FAM168A: variants seen among roughly 807,000 people sequenced by gnomAD.
The protein encoded by FAM168A is family with sequence similarity 168 member A.
A neutral mutation model predicts 28.5 loss-of-function variants in FAM168A; 3 were observed. The observed-to-expected ratio is 0.11, with a 90% CI of 0.05 to 0.27. FAM168A has a LOEUF of 0.27. Ranked by LOEUF, FAM168A falls within the 10% of genes least tolerant of loss-of-function variation. The pLI is 1.00. For synonymous variants in FAM168A, 122 were observed against 124.2 expected, an observed-to-expected ratio of 0.98 and a Z score of 0.12; for missense variants, 222 against 311.5, an observed-to-expected ratio of 0.71 and a Z score of 2.16.
At chr11:73,460,027 C>A (rs1233448054) in intron 2 of FAM168A, among the ~76,000 whole-genome samples, 1 of 151,858 alleles carries the variant, frequency 6.6e-6, no homozygotes, top group East Asian at 1.9e-4. Context: ...AGTACAGGCG[C>A]CCACCACCAT....
intron 1 of FAM168A, among the ~76,000 whole-genome samples, chr11:73,579,354 A>G (rs1441197688): frequency 2.0e-5 from 3 of 152,226 alleles, no homozygotes; most frequent in Non-Finnish European, 4.4e-5. Context: ...GATAGAGAAA[A>G]TAAGTTATAG....
At chr11:73,472,136 T>C (rs1016870368) in intron 1 of FAM168A, among the ~76,000 whole-genome samples, 3 of 152,174 alleles carry the variant, frequency 2.0e-5, no homozygotes, top group African/African-American at 7.2e-5. Context: ...CCCTGGTCCC[T>C]GGTGCCAAAA....
chr11:73,417,546 C>T (rs978921028), intron 4 of FAM168A, among the ~76,000 whole-genome samples: 2 of 150,376 alleles, frequency 1.3e-5, no homozygotes, highest in Non-Finnish European at 3.0e-5. Flanking sequence ...TTATGGCTGA[C>T]ATACCTCTCT....
rs76851738 is a variant in FAM168A at position 73,548,278 on chromosome 11, G to A, written c.-19+49645C>T. On this transcript the variant is annotated intron_variant, in intron 1 of 7. Coordinates refer to ENST00000356467, the MANE Select transcript of FAM168A (RefSeq NM_015159.3). ...AAATAAATAAATAAGCAAGCAAGCT[G>A]GGTATACATGGTAGTATGAAATAGG... Among the ~76,000 whole-genome samples the A allele has an allele frequency of 8.7e-3, 1,325 of 152,176 alleles. 20 individuals carry two copies. Among genetic ancestry groups the A allele is most frequent in the African/African-American group, 0.03 (1,240 of 41,522 alleles).
intron 1 of FAM168A, among the ~76,000 whole-genome samples, chr11:73,479,840 AATGG>A (rs1196519689): frequency 6.6e-6 from 1 of 152,202 alleles, no homozygotes; most frequent in Non-Finnish European, 1.5e-5. Flanking sequence ...TAGATGAATG[AATGG>A]ATGGATGGAT....
chr11:73,478,088 G>C (rs1445421072), intron 1 of FAM168A, among the ~76,000 whole-genome samples: 10 of 152,132 alleles, frequency 6.6e-5, no homozygotes, highest in Non-Finnish European at 1.5e-5. Flanking sequence ...ATAAAAACAA[G>C]AGTCCAAAGT....
rs540665452 is a variant in FAM168A, at chr11:73,497,492, AT to A, written c.-18-29001del. Among the ~76,000 whole-genome samples the A allele has an allele frequency of 4.3e-4, 66 of 152,178 alleles. No individual in the cohort carries two copies. The Middle Eastern group carries it at 0.01, about 24-fold the overall frequency. On this transcript the variant is annotated intron_variant, in intron 1 of 7. Coordinates refer to ENST00000356467, the MANE Select transcript of FAM168A (RefSeq NM_015159.3). The stretch of plus-strand genomic sequence containing the variant: ...GACATACTGTCCAGCTGAACTTTCT[AT>A]AATGATGGAAATATTCTAGTATATC...
chr11:73,562,253 T>G (rs1943968236), intron 1 of FAM168A, among the ~76,000 whole-genome samples: 1 of 152,200 alleles, frequency 6.6e-6, no homozygotes, highest in African/African-American at 2.4e-5. Flanking sequence ...CAGGGGAATA[T>G]TTACAGCTGT....
At chr11:73,442,998 G>A (rs1290040054) in intron 2 of FAM168A, among the ~76,000 whole-genome samples, 85 of 25,178 alleles carry the variant, frequency 3.4e-3, no homozygotes, top group African/African-American at 7.3e-3. Context: ...ATATATATAT[G>A]CCAAGCCTTT....
At chr11:73,558,506 C>T (rs1943916351) in intron 1 of FAM168A, among the ~76,000 whole-genome samples, 1 of 147,850 alleles carries the variant, frequency 6.8e-6, no homozygotes, top group African/African-American at 2.5e-5. Context: ...GAAAGACAAC[C>T]CACTGAATAA....
At chr11:73,451,382 T>C (rs1443011178) in intron 2 of FAM168A, among the ~76,000 whole-genome samples, 2 of 152,198 alleles carry the variant, frequency 1.3e-5, no homozygotes, top group East Asian at 3.8e-4. Flanking sequence ...AAAGGCTTCG[T>C]TATTAGAGGT....
At chr11:73,488,466 T>C (rs1868084097) in intron 1 of FAM168A, among the ~76,000 whole-genome samples, 2 of 152,182 alleles carry the variant, frequency 1.3e-5, no homozygotes, top group African/African-American at 4.8e-5. Context: ...ACAATCATTC[T>C]ATATTTGCCT....
intron 4 of FAM168A, 147 bp downstream of exon 4, chr11:73,419,726 AG>A: frequency 1.2e-6 from 1 of 820,482 alleles, no homozygotes; most frequent in Non-Finnish European, 1.9e-6. Flanking sequence ...CTGAATAAGG[AG>A]GGGTAATTTT....
chr11:73,565,919 C>T (rs1398569200), intron 1 of FAM168A, among the ~76,000 whole-genome samples: 1 of 152,178 alleles, frequency 6.6e-6, no homozygotes, highest in Non-Finnish European at 1.5e-5. Context: ...CTTCCACAAG[C>T]CAGTGGCAGG....
chr11:73,458,219 T>C (rs967989817), intron 2 of FAM168A, among the ~76,000 whole-genome samples: 3 of 152,178 alleles, frequency 2.0e-5, no homozygotes, highest in Admixed American at 6.5e-5. Context: ...AAGGAGAATT[T>C]AGGAGCAGAA....
At position 73,430,728 on chromosome 11, in the gene FAM168A, G is replaced by T. The variant is rs1866973539; in HGVS notation, c.113C>A (p.Pro38His). The change falls in exon 3 of 8, where the codon CCC becomes CAC. Residue 38 changes from proline (P) to histidine (H), a missense_variant. Coordinates refer to ENST00000356467, the MANE Select transcript of FAM168A (RefSeq NM_015159.3). ...AYPAAAPAYN[P>H]SLYPTNSPSY... ...GGGACTATTGGTGGGGTACAGGCTG[G>T]GATTGTAGGCAGGGGCAGCTGCTGG... 1 of 1,613,548 alleles carries T rather than the reference G, an allele frequency of 6.2e-7. No homozygotes were observed. Among genetic ancestry groups the T allele is most frequent in the Admixed American group, 1.7e-5 (1 of 59,978 alleles).
intron 1 of FAM168A, among the ~76,000 whole-genome samples, chr11:73,488,413 G>C (rs1028846211): frequency 9.9e-5 from 15 of 152,152 alleles, no homozygotes; most frequent in Non-Finnish European, 5.9e-5. Flanking sequence ...TTACAGGTGA[G>C]AGCCACTGTG....
chr11:73,412,080 T>C (rs1822540339), intron 4 of FAM168A, among the ~76,000 whole-genome samples: 1 of 152,114 alleles, frequency 6.6e-6, no homozygotes, highest in African/African-American at 2.4e-5. Flanking sequence ...CCACCAAGTT[T>C]GAAGGTGAAA....
At chr11:73,524,573 CAT>C (rs1464718133) in intron 1 of FAM168A, among the ~76,000 whole-genome samples, 1 of 151,272 alleles carries the variant, frequency 6.6e-6, no homozygotes, top group Non-Finnish European at 1.5e-5. Context: ...ATATTATATA[CAT>C]ATATATGTGT....
Sources: allele counts gnomAD v4.1 joint callset (sites outside exome capture counted in the v4.1 genomes callset), GRCh38; gene constraint gnomAD v4.1.1; transcripts MANE v1.5; gene names NCBI Gene and HGNC (gene_info 2026-07-23, HGNC 2026-07-21).